CAPN11: variants seen among roughly 807,000 people sequenced by gnomAD.
The protein encoded by CAPN11 is calpain-11.
Under a neutral mutation model 105.3 loss-of-function variants are expected in CAPN11, and 108 were observed. That is an observed-to-expected ratio of 1.03 (90% confidence interval 0.88 to 1.20). The LOEUF (loss-of-function observed/expected upper bound fraction) is 1.20. Ranked by LOEUF, CAPN11 falls within the 50% of genes most tolerant of loss-of-function variation. The pLI is 0.00. For missense variants in CAPN11, 883 were observed against 924.8 expected (o/e 0.95, Z 0.59); for synonymous variants, 329 against 344.5 (o/e 0.96, Z 0.50).
At position 44,177,243 on chromosome 6, in the gene CAPN11, C is replaced by A. The variant is rs1210906809; in HGVS notation, c.1239C>A (p.Gly413=). ...CACGCTGACCCACTTCCGCCACAGG[C>A]ACGTTCTGGACCAACCCCCAGTTTA... ...SSAGGCRNHP[G]TFWTNPQFKI... The change falls in exon 12 of 23, where the codon GGC becomes GGA. Residue 413 remains glycine (G), a splice_region_variant and synonymous_variant. Transcript: ENST00000398776. The A allele has an allele frequency of 5.1e-6, 8 of 1,579,040 alleles. No individual in the cohort carries two copies. The highest frequency in any genetic ancestry group is 6.9e-6 in the Non-Finnish European group (8 of 1,162,176).
At chr6:44,179,720 C>A in intron 13 of CAPN11, 90 bp downstream of exon 13, 1 of 1,387,564 alleles carries the variant, frequency 7.2e-7, no homozygotes, top group Non-Finnish European at 1.0e-6. Flanking sequence ...TGGAATTTGG[C>A]GAGAGGCTCT....
Position 44,184,000 on chromosome 6 carries a change from G to A in CAPN11, c.*68G>A. On this transcript the variant is annotated 3_prime_UTR_variant, in exon 23 of 23. Transcript: ENST00000398776. ...AGCGAGGTTCTAGCCCAGGAGGGTG[G>A]GGTGCTTCTTGTAGCCCTCAGCTCT... 1 of 1,530,100 alleles carries A rather than the reference G, an allele frequency of 6.5e-7. No individual in the cohort carries two copies. Among genetic ancestry groups the A allele is most frequent in the East Asian group, 2.5e-5 (1 of 40,782 alleles). 94.8% of individuals were successfully genotyped at this position (1,530,100 alleles called of 1,614,324 possible).
rs1327351828 is a variant in CAPN11, at chr6:44,180,866, A to G, written c.1804+61A>G. ...CCCATATTTTGTGCCCCTCTTGATC[A>G]CTCCCAGTGCCCCCACGATACCTCA... On this transcript the variant is annotated intron_variant, in intron 17 of 22. Transcript: ENST00000398776. 1.9e-6 allele frequency: 3 copies of G among 1,602,110 alleles called. No individual in the cohort carries two copies. The Admixed American group carries it at 5.0e-5, about 27-fold the overall frequency.
chr6:44,173,479 T>C, intron 7 of CAPN11, 93 bp downstream of exon 7: 2 of 778,838 alleles, frequency 2.6e-6, no homozygotes, highest in Non-Finnish European at 4.2e-6. Context: ...GGCCAGCACC[T>C]TCTCATTCAG....
intron 12 of CAPN11, among the ~76,000 whole-genome samples, chr6:44,177,738 C>T (rs772544026): frequency 2.6e-5 from 4 of 152,106 alleles, no homozygotes; most frequent in South Asian, 2.1e-4. Flanking sequence ...CTGCCTGTCT[C>T]GGCCTCCCAA....
intron 7 of CAPN11, among the ~76,000 whole-genome samples, chr6:44,174,698 C>A (rs991960408): frequency 6.9e-6 from 1 of 145,932 alleles, no homozygotes. Context: ...CGTTTCACTG[C>A]AACATCCACC....
In CAPN11 at chr6:44,173,060, A is replaced by G. The variant is rs749873430; in HGVS notation, c.649A>G (p.Lys217Glu). 3 of 1,613,614 alleles carry G rather than the reference A, an allele frequency of 1.9e-6. No homozygotes were observed. Among genetic ancestry groups the G allele is most frequent in the South Asian group, 2.2e-5 (2 of 91,020 alleles). The change falls in exon 6 of 23, where the codon AAG (lysine) becomes GAG (glutamate). Residue 217 changes from lysine (K) to glutamate (E), a missense_variant. Coordinates refer to ENST00000398776, the MANE Select transcript of CAPN11 (RefSeq NM_007058.4). ...TGAGTTCTGGAGTGCCCTGCTGGAG[A>G]AGGCGTATGCCAAGTGAGTGCTGGG... The part of the protein sequence containing the change: ...RSEFWSALLE[K>E]AYAKLSGSYE...
At chr6:44,182,324 C>T (rs68039800) in intron 19 of CAPN11, among the ~76,000 whole-genome samples, 3,943 of 97,574 alleles carry the variant, frequency 0.04, 227 homozygotes, top group Non-Finnish European at 0.071. Context: ...CACATACAGA[C>T]ACAACCACAC....
At chr6:44,175,134 G>A (rs570133634) in intron 7 of CAPN11, among the ~76,000 whole-genome samples, 2 of 152,242 alleles carry the variant, frequency 1.3e-5, no homozygotes, top group South Asian at 2.1e-4. Context: ...ACACAAAAGT[G>A]AGCACTTGTA....
In CAPN11 at chr6:44,166,829, G is replaced by A; in HGVS notation, c.88G>A (p.Glu30Lys). ...QEDKPRGSCA[E>K]PTFTDTGMVA... ...GGATAAGCCTCGGGGCTCATGTGCG[G>A]GTAGGACTGCAGACCCGTCGTGGCT... Residue 30 changes from glutamate (E) to lysine (K), a missense_variant and splice_region_variant, in exon 2 of 23, where the codon GAG becomes AAG. Transcript: ENST00000398776. 2 of 1,550,376 alleles carry A rather than the reference G, an allele frequency of 1.3e-6. No individual in the cohort carries two copies. The highest frequency in any genetic ancestry group is 1.7e-6 in the Non-Finnish European group (2 of 1,145,530).
intron 12 of CAPN11, 176 bp downstream of exon 12, chr6:44,177,596 T>C: frequency 1.6e-6 from 1 of 615,314 alleles, no homozygotes; most frequent in Non-Finnish European, 2.8e-6. Flanking sequence ...CAAGTGATTC[T>C]CGTGCCTCAG....
At chr6:44,160,042 G>A (rs540109251) in intron 1 of CAPN11, among the ~76,000 whole-genome samples, 39 of 152,102 alleles carry the variant, frequency 2.6e-4, no homozygotes, top group Admixed American at 1.5e-3. Flanking sequence ...GCTGAGGCAG[G>A]AGAATCTCTT....
chr6:44,180,403 T>C, intron 14 of CAPN11, 57 bp from the exon 15 acceptor site: 3 of 1,486,458 alleles, frequency 2.0e-6, no homozygotes, highest in Non-Finnish European at 2.8e-6. Flanking sequence ...AGCACCCCAC[T>C]AAAACCCCCA....
At chr6:44,174,371 A>G (rs1485038743) in intron 7 of CAPN11, among the ~76,000 whole-genome samples, 3 of 152,084 alleles carry the variant, frequency 2.0e-5, no homozygotes, top group Non-Finnish European at 2.9e-5. Context: ...CAGGGGAATT[A>G]TGCTGAATGA....
Position 44,173,238 on chromosome 6 carries a change from C to T in CAPN11, c.683C>T (p.Ala228Val). The change falls in exon 7 of 23, where the codon GCA (alanine) becomes GTA (valine). Residue 228 changes from alanine to valine, a missense_variant. By Grantham distance (64) the Ala-to-Val change is moderately conservative. Coordinates refer to ENST00000398776, the MANE Select transcript of CAPN11 (RefSeq NM_007058.4). ...CACAGGCTGAGTGGGTCCTATGAAG[C>T]ATTGTCAGGGGGCAGTACCATGGAG... The part of the protein sequence containing the change: ...AYAKLSGSYE[A>V]LSGGSTMEGL... The T allele has an allele frequency of 6.2e-7, 1 of 1,613,922 alleles. No individual in the cohort carries two copies. The highest frequency in any genetic ancestry group is 1.7e-4 in the Middle Eastern group (1 of 6,060).
intron 12 of CAPN11, 68 bp downstream of exon 12, chr6:44,177,488 CTTTCTTTT>C (rs1430125629): frequency 6.4e-6 from 9 of 1,411,060 alleles, no homozygotes; most frequent in Middle Eastern, 2.5e-4. Context: ...TTCTTTCTTT[CTTTCTTTT>C]TTTTTTTTCG....
Position 44,176,668 on chromosome 6 carries a change from T to G in CAPN11, c.1076+13T>G. On this transcript the variant is annotated intron_variant, in intron 10 of 22. Transcript: ENST00000398776. ...ACGGGGAGTTCTGGTCAGTGTGGCT[T>G]GGGGTGGGCTTCTTACCACCACCCT... 1 of 1,585,102 alleles carries G rather than the reference T, an allele frequency of 6.3e-7. No homozygotes were observed. Among genetic ancestry groups the G allele is most frequent in the South Asian group, 1.2e-5 (1 of 86,866 alleles).
intron 20 of CAPN11, 30 bp downstream of exon 20, chr6:44,183,049 G>A: frequency 6.2e-7 from 1 of 1,601,972 alleles, no homozygotes; most frequent in Non-Finnish European, 8.6e-7. Flanking sequence ...GGGCCTTGGG[G>A]CAGGGAAGAG....
At position 44,182,265 on chromosome 6, in the gene CAPN11, C is replaced by CAA. The variant is rs1422842689; in HGVS notation, c.1939-675_1939-674insAA. 9.0e-5 allele frequency among the ~76,000 whole-genome samples: 10 copies of CAA among 110,764 alleles called. 1 individual carries two copies. Among genetic ancestry groups the CAA allele is most frequent in the African/African-American group, 3.5e-4 (10 of 28,612 alleles). 72.7% of individuals were successfully genotyped at this position (110,764 alleles called of 152,430 possible). Reference sequence around the variant, plus strand: ...GACACAACCACACCACACACACACACACATACAGACACAACCACACCACAC... The same window carrying CAA: ...GACACAACCACACCACACACACACACAAACATACAGACACAACCACACCACAC... On this transcript the variant is annotated intron_variant, in intron 19 of 22. Coordinates refer to ENST00000398776, the MANE Select transcript of CAPN11 (RefSeq NM_007058.4).
Sources: gnomAD v4.1 joint callset for allele counts (sites outside exome capture counted in the v4.1 genomes callset) on GRCh38, gnomAD v4.1.1 for gene constraint, MANE v1.5 for transcripts, NCBI Gene and HGNC (gene_info 2026-07-23, HGNC 2026-07-21) for gene names.